ABCB5: variants seen among roughly 807,000 people sequenced by gnomAD.
ABCB5 encodes ATP-binding cassette sub-family B member 5.
In ABCB5, 155 loss-of-function variants were observed where a neutral mutation model predicts 144.2. That is an observed-to-expected ratio of 1.08 (90% confidence interval 0.94 to 1.23). The LOEUF is 1.23. ABCB5 is among the 50% of genes most tolerant of loss of function. The pLI, the probability that ABCB5 is intolerant of heterozygous loss-of-function variation, is 0.00. For synonymous variants in ABCB5, 610 were observed against 528.6 expected (o/e 1.15, Z -2.11); for missense variants, 1,830 against 1,520.8 (o/e 1.20, Z -3.38).
chr7:20,747,943 G>C (rs545855198), intron 26 of ABCB5, among the ~76,000 whole-genome samples: 12 of 152,288 alleles, frequency 7.9e-5, no homozygotes, highest in Non-Finnish European at 7.3e-5. Context: ...TGGGAAAAAC[G>C]AAGAGAGGAA....
chr7:20,624,979 CTT>C (rs1463938856), intron 2 of ABCB5, among the ~76,000 whole-genome samples: 1 of 152,226 alleles, frequency 6.6e-6, no homozygotes, highest in African/African-American at 2.4e-5. Flanking sequence ...GATAAAGAGA[CTT>C]TCACAAAACG....
intron 20 of ABCB5, among the ~76,000 whole-genome samples, chr7:20,707,801 C>CTTTT (rs67014566): frequency 1.6e-4 from 15 of 93,078 alleles, no homozygotes; most frequent in African/African-American, 3.4e-4. Context: ...AACCTCATTT[C>CTTTT]TTTTTTTTTT....
intron 20 of ABCB5, among the ~76,000 whole-genome samples, chr7:20,711,383 T>C (rs1187251277): frequency 6.7e-6 from 1 of 149,722 alleles, no homozygotes; most frequent in Non-Finnish European, 1.5e-5. Flanking sequence ...GAAAAGTCTT[T>C]ATTTCACCTT....
At chr7:20,629,026 A>G (rs994024563) in intron 4 of ABCB5, among the ~76,000 whole-genome samples, 188 bp downstream of exon 4, 3 of 152,172 alleles carry the variant, frequency 2.0e-5, no homozygotes, top group Non-Finnish European at 4.4e-5. Context: ...ACAGAGGTCT[A>G]TAATTGAATT....
At position 20,719,611 on chromosome 7, in the gene ABCB5, C is replaced by A. The variant is rs187168493; in HGVS notation, c.2422-3405C>A. On this transcript the variant is annotated intron_variant, in intron 20 of 27. Coordinates refer to ENST00000404938, the MANE Select transcript of ABCB5 (RefSeq NM_001163941.2). Reference sequence around the variant, plus strand: ...AAAGGGGTAGGGCTGGGGTTTGCAGCCCCGATATTATGACACCCAGTGTGG... The same window carrying A: ...AAAGGGGTAGGGCTGGGGTTTGCAGACCCGATATTATGACACCCAGTGTGG... 2.0e-3 allele frequency among the ~76,000 whole-genome samples: 309 copies of A among 152,296 alleles called. 7 individuals are homozygous for A. In the East Asian group the frequency reaches 0.046, roughly 23 times the overall value.
chr7:20,647,763 G>A (rs566635383), intron 10 of ABCB5, 115 bp downstream of exon 10: 5 of 1,444,530 alleles, frequency 3.5e-6, no homozygotes, highest in Admixed American at 2.6e-5. Context: ...ATGTTGGCCA[G>A]TTGTTTATGG....
intron 1 of ABCB5, among the ~76,000 whole-genome samples, chr7:20,618,392 T>G (rs905408439): frequency 6.6e-6 from 1 of 152,238 alleles, no homozygotes; most frequent in African/African-American, 2.4e-5. Flanking sequence ...TATGGCTATC[T>G]TCACCTTTTA....
At chr7:20,751,174 G>T (rs899232436) in intron 26 of ABCB5, among the ~76,000 whole-genome samples, 1 of 152,160 alleles carries the variant, frequency 6.6e-6, no homozygotes, top group Admixed American at 6.5e-5. Context: ...TAAAAGAGGT[G>T]ATTTCGGGGC....
rs746027127 is a variant in ABCB5, at chr7:20,681,002, CTTTCTT to C, written c.1708-501_1708-496del. Among the ~76,000 whole-genome samples the C allele has an allele frequency of 3.8e-3, 165 of 43,856 alleles. 8 individuals carry two copies. The highest frequency in any genetic ancestry group is 0.011 in the African/African-American group (126 of 11,628). The allele number at this position is 43,856 out of a possible 152,430, so 28.8% of individuals were successfully genotyped here. On this transcript the variant is annotated intron_variant, in intron 14 of 27. Coordinates refer to ENST00000404938, the MANE Select transcript of ABCB5 (RefSeq NM_001163941.2). ...TCTTTCTTTCTTTCTTTCTTTCTTTCTTTCTTTCTTTCTTTCTTTCTTTCTTTCTTT... is the reference window on the plus strand; with the variant it reads ...TCTTTCTTTCTTTCTTTCTTTCTTTCTCTTTCTTTCTTTCTTTCTTTCTTT...
chr7:20,646,136 G>A lies in ABCB5; in HGVS notation c.979G>A (p.Ala327Thr), dbSNP rs780322696. The change falls in exon 9 of 28, where the codon GCT becomes ACT. Residue 327 changes from alanine (A) to threonine (T), a missense_variant and splice_region_variant. By Grantham distance (58) the Ala-to-Thr change is moderately conservative (BLOSUM62 0). Coordinates refer to ENST00000404938, the MANE Select transcript of ABCB5 (RefSeq NM_001163941.2). ...TGGATATACCATCGGGACTGTTCTT[G>A]CTGTAAGTCTTGTTTGAGAACAAGG... ...EPGYTIGTVL[A>T]VFFSVIHSSY... 55 of 1,609,246 alleles carry A rather than the reference G, an allele frequency of 3.4e-5. No individual in the cohort carries two copies. The highest frequency in any genetic ancestry group is 4.2e-5 in the Non-Finnish European group (50 of 1,178,610).
At chr7:20,745,639 A>G (rs1782696566) in intron 26 of ABCB5, among the ~76,000 whole-genome samples, 1 of 152,228 alleles carries the variant, frequency 6.6e-6, no homozygotes, top group African/African-American at 2.4e-5. Flanking sequence ...TACGACCAAA[A>G]TGTATTAATA....
chr7:20,668,985 G>GCC (rs1385362466), intron 14 of ABCB5, among the ~76,000 whole-genome samples: 1 of 51,908 alleles, frequency 1.9e-5, no homozygotes, highest in Non-Finnish European at 4.2e-5. Context: ...GGGGGGGTCA[G>GCC]CCCCCCGCCC....
intron 24 of ABCB5, 107 bp downstream of exon 24, chr7:20,739,246 A>C: frequency 8.7e-7 from 1 of 1,154,376 alleles, no homozygotes; most frequent in Non-Finnish European, 1.2e-6. Context: ...AAAACTAACC[A>C]TTGGGTGCTA....
intron 26 of ABCB5, 59 bp downstream of exon 26, chr7:20,745,497 T>C (rs1474177324): frequency 1.3e-6 from 2 of 1,483,850 alleles, no homozygotes; most frequent in Admixed American, 3.5e-5. Flanking sequence ...AAGTAGCTAC[T>C]GGGCCTATGC....
In ABCB5 at chr7:20,650,031, G is replaced by A; in HGVS notation, c.1216G>A (p.Gly406Ser). 7.4e-6 allele frequency: 12 copies of A among 1,612,044 alleles called. No individual in the cohort carries two copies. Among genetic ancestry groups the A allele is most frequent in the Non-Finnish European group, 1.0e-5 (12 of 1,178,832 alleles). The change falls in exon 12 of 28, where the codon GGT (glycine) becomes AGT (serine). Residue 406 changes from glycine to serine, a missense_variant. Transcript: ENST00000404938. Reference sequence around the variant, plus strand: ...CCATACATTCCAATAGATTCTGAAAGGTCTGAATCTCAGAATTAAGTCTGG... The same window carrying A: ...CCATACATTCCAATAGATTCTGAAAAGTCTGAATCTCAGAATTAAGTCTGG... ...PSRPSIKILK[G>S]LNLRIKSGET...
At chr7:20,620,970 A>G (rs1783794882) in intron 1 of ABCB5, among the ~76,000 whole-genome samples, 1 of 152,154 alleles carries the variant, frequency 6.6e-6, no homozygotes, top group Non-Finnish European at 1.5e-5. Context: ...ATTATTCACA[A>G]TAGCCAAAAG....
At position 20,643,615 on chromosome 7, in the gene ABCB5, G is replaced by C; in HGVS notation, c.661G>C (p.Ala221Pro). ...CACGTCTCCTCTTATAATGGCTTCA[G>C]CGGCAGCATGTTCTAGGGTAAGTGA... ...LSTSPLIMAS[A>P]AACSRMVISL... Residue 221 changes from alanine to proline, a missense_variant, in exon 7 of 28, where the codon GCG becomes CCG. By Grantham distance (27) the Ala-to-Pro change is conservative. Transcript: ENST00000404938. 2 of 1,613,920 alleles carry C rather than the reference G, an allele frequency of 1.2e-6. No individual in the cohort carries two copies. The highest frequency in any genetic ancestry group is 2.7e-5 in the African/African-American group (2 of 75,054).
At chr7:20,686,977 TC>T (rs1786023817) in intron 16 of ABCB5, among the ~76,000 whole-genome samples, 2 of 152,316 alleles carry the variant, frequency 1.3e-5, no homozygotes, top group South Asian at 4.1e-4. Context: ...AGGTATGTGG[TC>T]CTCTATAGCC....
intron 14 of ABCB5, chr7:20,659,492 T>G (rs1253030691): frequency 9.6e-7 from 1 of 1,041,548 alleles, no homozygotes; most frequent in African/African-American, 1.7e-5. Context: ...CCACTGCTTC[T>G]TGAAAAATCT....
Sources: allele counts gnomAD v4.1 joint callset (sites outside exome capture counted in the v4.1 genomes callset), GRCh38; gene constraint gnomAD v4.1.1; transcripts MANE v1.5; gene names NCBI Gene and HGNC (gene_info 2026-07-23, HGNC 2026-07-21).